The following ZSCAN30 variants were observed in gnomAD, a reference collection of about 807,000 sequenced individuals.
ZSCAN30 encodes zinc finger and SCAN domain containing 30.
ZSCAN30 carries 37 observed loss-of-function variants against 44.3 expected under a neutral mutation model. The ratio of observed to expected loss-of-function variants is 0.84; its 90% CI spans 0.64 to 1.10. The LOEUF is 1.10. Ranked by LOEUF, ZSCAN30 falls within the 50% of genes least tolerant of loss-of-function variation. The pLI, the probability that ZSCAN30 is intolerant of heterozygous loss-of-function variation, is 0.00. For missense variants in ZSCAN30, 549 were observed against 582.6 expected, an observed-to-expected ratio of 0.94 and a Z score of 0.59; for synonymous variants, 181 against 204.6, an observed-to-expected ratio of 0.88 and a Z score of 0.98.
chr18:35,256,609 T>C (rs1267691055), intron 3 of ZSCAN30, among the ~76,000 whole-genome samples: 2 of 151,998 alleles, frequency 1.3e-5, no homozygotes, highest in Non-Finnish European at 2.9e-5. Context: ...AATACTTGCA[T>C]AGAGAGAACC....
chr18:35,258,773 GGCA>G (rs2043930165), intron 3 of ZSCAN30: 1 of 148,666 alleles, frequency 6.7e-6, no homozygotes, highest in South Asian at 2.1e-4. Context: ...GGGAGGCTGA[GGCA>G]GGAGAATCAC....
intron 1 of ZSCAN30, among the ~76,000 whole-genome samples, chr18:35,271,544 A>G (rs557971317): frequency 9.2e-4 from 39 of 42,264 alleles, no homozygotes; most frequent in African/African-American, 3.2e-3. Context: ...GCTAGACATA[A>G]AAGTTCTCCA....
At chr18:35,278,817 C>T (rs929138173) in intron 1 of ZSCAN30, among the ~76,000 whole-genome samples, 1 of 152,218 alleles carries the variant, frequency 6.6e-6, no homozygotes, top group Non-Finnish European at 1.5e-5. Flanking sequence ...CCCAATAGCA[C>T]AGCATGATTC....
intron 1 of ZSCAN30, among the ~76,000 whole-genome samples, chr18:35,273,450 G>A (rs978365701): frequency 2.2e-4 from 33 of 152,254 alleles, no homozygotes; most frequent in African/African-American, 5.8e-4. Context: ...ATCTGTTAAC[G>A]GACACTTGGG....
chr18:35,270,799 G>A (rs1384048992), intron 1 of ZSCAN30, among the ~76,000 whole-genome samples: 2 of 152,262 alleles, frequency 1.3e-5, no homozygotes, highest in South Asian at 2.1e-4. Context: ...GCGGACCCTC[G>A]CAGTGAGTGT....
At position 35,254,218 on chromosome 18, in the gene ZSCAN30, C is replaced by T; in HGVS notation, c.717G>A (p.Lys239=). 1.9e-6 allele frequency: 3 copies of T among 1,614,156 alleles called. No homozygotes were observed. The highest frequency in any genetic ancestry group is 2.5e-6 in the Non-Finnish European group (3 of 1,180,024). The change falls in exon 4 of 4, where the codon AAG becomes AAA. Residue 239 remains lysine (K), a synonymous_variant. Transcript: ENST00000333206. ...TGATTTTGTTCCCTGCAGCATTTCCCTTTTGCTTCTTAGAGTTGTCCAGAC... is the reference window on the plus strand; with the variant it reads ...TGATTTTGTTCCCTGCAGCATTTCCTTTTTGCTTCTTAGAGTTGTCCAGAC... ...LGGLDNSKKQ[K]GNAAGNKISQ...
intron 1 of ZSCAN30, chr18:35,270,006 A>G (rs1456188526): frequency 6.6e-6 from 1 of 152,224 alleles, no homozygotes; most frequent in Non-Finnish European, 1.5e-5. Context: ...GAATACCAGT[A>G]TCTGCTAACA....
rs1002022816 is a variant in ZSCAN30 at position 35,254,277 on chromosome 18, G to A, written c.658C>T (p.His220Tyr). ...ISPGKLPGET[H>Y]SQRIAEEALG... ...GCTTCTTCAGCTATCCGTTGGGAAT[G>A]TGTTTCTCCAGGAAGTTTTCCCGGC... is the stretch of plus-strand genomic sequence containing the variant. Residue 220 changes from histidine (H) to tyrosine (Y), a missense_variant, in exon 4 of 4, where the codon CAT becomes TAT. By Grantham distance (83) the His-to-Tyr change is moderately conservative. Transcript: ENST00000333206. The A allele has an allele frequency of 3.1e-6, 5 of 1,614,012 alleles. No homozygotes were observed. The African/African-American group carries it at 6.7e-5, about 22-fold the overall frequency.
intron 1 of ZSCAN30, among the ~76,000 whole-genome samples, chr18:35,287,593 A>AC (rs1454152214): frequency 1.1e-4 from 16 of 151,516 alleles, no homozygotes; most frequent in Admixed American, 1.1e-3. Context: ...AAAAAAAAAA[A>AC]AATTAACTTT....
At chr18:35,272,023 G>C (rs552673887) in intron 1 of ZSCAN30, among the ~76,000 whole-genome samples, 1 of 152,210 alleles carries the variant, frequency 6.6e-6, no homozygotes, top group African/African-American at 2.4e-5. Flanking sequence ...ACAGCTCCCC[G>C]CAAGCAGAGG....
intron 1 of ZSCAN30, among the ~76,000 whole-genome samples, chr18:35,273,645 C>A (rs2044322527): frequency 6.6e-6 from 1 of 152,308 alleles, no homozygotes; most frequent in South Asian, 2.1e-4. Context: ...GTCTTAGCAA[C>A]CTTGTTAAAA....
In ZSCAN30 at chr18:35,257,822, G is replaced by A. The variant is rs1265793532; in HGVS notation, c.554-3441C>T. On this transcript the variant is annotated intron_variant, in intron 3 of 3. Transcript: ENST00000333206. ...TCTGCAGTGCAATTATGCTTCAGCG[G>A]CCCATGAAATGCTCCAAGGATTAGA... 14 of 773,758 alleles carry A rather than the reference G, an allele frequency of 1.8e-5. No individual in the cohort carries two copies. The East Asian group carries it at 3.4e-4, about 19-fold the overall frequency. The allele number at this position is 773,758 out of a possible 1,614,324, so 47.9% of individuals were successfully genotyped here.
Position 35,264,466 on chromosome 18 carries a change from A to C in ZSCAN30, c.-103-11T>G. The stretch of plus-strand genomic sequence containing the variant: ...CTCCCCAGGACGCTCCTGAGGGTGG[A>C]CAATGCTCATGTTACACAGGGAAAA... On this transcript the variant is annotated splice_polypyrimidine_tract_variant and intron_variant, in intron 1 of 3. Transcript: ENST00000333206. 1 of 1,072,288 alleles carries C rather than the reference A, an allele frequency of 9.3e-7. No individual in the cohort carries two copies. The highest frequency in any genetic ancestry group is 1.3e-6 in the Non-Finnish European group (1 of 756,680). The allele number at this position is 1,072,288 out of a possible 1,614,324, so 66.4% of individuals were successfully genotyped here.
chr18:35,263,982 T>C lies in ZSCAN30; in HGVS notation c.371A>G (p.Glu124Gly), dbSNP rs750854522. ...CTCCTCCAGTTCTTTTTCCAGCTCCTCCAGCATAGTCACAGCTTCCTCTCC... is the reference window on the plus strand; with the variant it reads ...CTCCTCCAGTTCTTTTTCCAGCTCCCCCAGCATAGTCACAGCTTCCTCTCC... ...ENGEEAVTMLEELEKELEEPR... is the reference protein window; with the variant it reads ...ENGEEAVTMLGELEKELEEPR... The change falls in exon 2 of 4, where the codon GAG (glutamate) becomes GGG (glycine). Residue 124 changes from glutamate to glycine, a missense_variant. Transcript: ENST00000333206. The C allele has an allele frequency of 6.2e-7, 1 of 1,614,216 alleles. No individual in the cohort carries two copies. Among genetic ancestry groups the C allele is most frequent in the Admixed American group, 1.7e-5 (1 of 60,028 alleles).
chr18:35,266,502 G>C (rs1432979311), intron 1 of ZSCAN30, among the ~76,000 whole-genome samples: 3 of 152,110 alleles, frequency 2.0e-5, no homozygotes, highest in African/African-American at 7.2e-5. Context: ...TGGCCCTTGT[G>C]ACTAGAGGAT....
At chr18:35,263,890 T>A in intron 2 of ZSCAN30, 55 bp downstream of exon 2, 1 of 1,560,180 alleles carries the variant, frequency 6.4e-7, no homozygotes, top group Non-Finnish European at 8.7e-7. Context: ...GTCATAATTA[T>A]GGCTTCCCCA....
chr18:35,260,955 A>AT (rs1472322346), intron 3 of ZSCAN30: 5 of 151,948 alleles, frequency 3.3e-5, no homozygotes, highest in African/African-American at 4.8e-5. Flanking sequence ...TATTACCTAG[A>AT]TTTTTTTACT....
chr18:35,271,005 T>G (rs2044260910), intron 1 of ZSCAN30, among the ~76,000 whole-genome samples: 1 of 152,156 alleles, frequency 6.6e-6, no homozygotes, highest in Admixed American at 6.5e-5. Flanking sequence ...AGTTGTTCAT[T>G]CCTCCCAGTA....
intron 1 of ZSCAN30, among the ~76,000 whole-genome samples, chr18:35,280,341 G>C (rs76624965): frequency 1.8e-3 from 261 of 149,056 alleles, no homozygotes; most frequent in African/African-American, 6.2e-3. Context: ...AAAAGAGAGA[G>C]AGAGGCAGAG....
Sources: allele counts gnomAD v4.1 joint callset (sites outside exome capture counted in the v4.1 genomes callset), GRCh38; gene constraint gnomAD v4.1.1; transcripts MANE v1.5; gene names NCBI Gene and HGNC (gene_info 2026-07-23, HGNC 2026-07-21).